Variants in NBEAL1 observed in about 807,000 individuals in gnomAD.
NBEAL1 encodes the protein neurobeachin like 1, also known as neurobeachin-like protein 1.
Under a neutral mutation model 351.3 loss-of-function variants are expected in NBEAL1, and 273 were observed. The observed-to-expected ratio is 0.78, with a 90% CI of 0.70 to 0.86. The LOEUF is 0.86. Ranked by LOEUF, NBEAL1 falls within the 40% of genes least tolerant of loss-of-function variation. NBEAL1 has a pLI of 0.00. For missense variants in NBEAL1, 2,961 were observed against 3,201.3 expected (o/e 0.92, Z 1.81); for synonymous variants, 1,050 against 1,086.4 (o/e 0.97, Z 0.66).
At chr2:203,115,203 C>T (rs1266066186) in intron 17 of NBEAL1, among the ~76,000 whole-genome samples, 1 of 151,372 alleles carries the variant, frequency 6.6e-6, no homozygotes, top group Non-Finnish European at 1.5e-5. Flanking sequence ...CCTCAGCTCA[C>T]TGCAGCCTCT....
intron 31 of NBEAL1, among the ~76,000 whole-genome samples, chr2:203,139,557 C>CTTTTTTTTTTTTTT (rs370861737): frequency 5.9e-5 from 4 of 67,666 alleles, no homozygotes; most frequent in African/African-American, 1.3e-4. Flanking sequence ...CCACCCCCAC[C>CTTTTTTTTTTTTTT]TTTTTTTTTT....
rs1261831669 is a variant in NBEAL1 at position 203,084,429 on chromosome 2, T to G, written c.992-34T>G. 7.4e-6 allele frequency: 9 copies of G among 1,219,718 alleles called. No homozygotes were observed. The East Asian group carries it at 2.6e-4, about 35-fold the overall frequency. The allele number at this position is 1,219,718 out of a possible 1,614,324, so 75.6% of individuals were successfully genotyped here. On this transcript the variant is annotated intron_variant, in intron 9 of 55. Transcript: ENST00000683969. ...TGTTTGTATGATCCCAAATTTTCAT[T>G]TTTACATGGATGATTTTCTTTTTAT...
At chr2:203,188,431 A>C in intron 44 of NBEAL1, 41 bp from the exon 45 acceptor site, 32 of 1,032,814 alleles carry the variant, frequency 3.1e-5, no homozygotes, top group Non-Finnish European at 3.7e-5. Flanking sequence ...TGTAGTTGGA[A>C]GATATCTCTA....
At chr2:203,026,359 G>A (rs995258906) in intron 2 of NBEAL1, among the ~76,000 whole-genome samples, 1 of 151,980 alleles carries the variant, frequency 6.6e-6, no homozygotes, top group Non-Finnish European at 1.5e-5. Flanking sequence ...CAATTACTAA[G>A]AATAGTTTTA....
intron 2 of NBEAL1, among the ~76,000 whole-genome samples, chr2:203,021,329 C>A (rs576269855): frequency 6.6e-6 from 1 of 151,114 alleles, no homozygotes; most frequent in Non-Finnish European, 1.5e-5. Flanking sequence ...TGTGGTGGCT[C>A]ATGCCTGTAA....
At chr2:203,212,283 T>C (rs1559070892) in intron 54 of NBEAL1, among the ~76,000 whole-genome samples, 1 of 152,076 alleles carries the variant, frequency 6.6e-6, no homozygotes. Flanking sequence ...CTGTGATGCT[T>C]ACTCATAATA....
chr2:203,213,687 G>T, intron 55 of NBEAL1, 34 bp downstream of exon 55: 1 of 1,612,246 alleles, frequency 6.2e-7, no homozygotes, highest in South Asian at 1.1e-5. Context: ...CATTTCTCAT[G>T]CTGTTGGGGA....
Position 203,215,084 on chromosome 2 carries a change from G to A in NBEAL1, c.8070+1431G>A, listed in dbSNP as rs185351716. Among the ~76,000 whole-genome samples the A allele has an allele frequency of 1.9e-4, 29 of 152,138 alleles. No homozygotes were observed. The East Asian group carries it at 5.6e-3, about 30-fold the overall frequency. On this transcript the variant is annotated intron_variant, in intron 55 of 55. Transcript: ENST00000683969. ...TGGAAAAGCAACCATTAGGCCTGGTGCGGTGGCTCACACCTGTAATCCCAG... is the reference window on the plus strand; with the variant it reads ...TGGAAAAGCAACCATTAGGCCTGGTACGGTGGCTCACACCTGTAATCCCAG...
intron 51 of NBEAL1, among the ~76,000 whole-genome samples, chr2:203,207,040 T>G (rs565064008): frequency 6.7e-6 from 1 of 150,036 alleles, no homozygotes; most frequent in East Asian, 2.0e-4. Flanking sequence ...CCGCCCATCA[T>G]CTGAGATGTG....
chr2:203,028,944 A>C (rs1230355253), intron 2 of NBEAL1, among the ~76,000 whole-genome samples: 1 of 152,132 alleles, frequency 6.6e-6, no homozygotes, highest in Non-Finnish European at 1.5e-5. Context: ...ATCCTGGACC[A>C]CAATGCGCCC....
rs1466466563 is a variant in NBEAL1 at position 203,024,183 on chromosome 2, A to G, written c.51+7748A>G. ...TCTAGTCCAGCCTGGGTGACAGAGTAAGACTCTTTCTCACACAAAAAAAAA... is the reference window on the plus strand; with the variant it reads ...TCTAGTCCAGCCTGGGTGACAGAGTGAGACTCTTTCTCACACAAAAAAAAA... On this transcript the variant is annotated intron_variant, in intron 2 of 55. Transcript: ENST00000683969. 2.6e-5 allele frequency among the ~76,000 whole-genome samples: 4 copies of G among 151,138 alleles called. No homozygotes were observed. The East Asian group carries it at 5.8e-4, about 22-fold the overall frequency.
intron 2 of NBEAL1, among the ~76,000 whole-genome samples, chr2:203,021,274 G>A (rs1326986565): frequency 2.0e-5 from 3 of 151,034 alleles, no homozygotes; most frequent in South Asian, 2.2e-4. Flanking sequence ...GAGCCACTGC[G>A]CCCAGCCCAG....
rs577894084 is a variant in NBEAL1 at position 203,051,417 on chromosome 2, G to A, written c.305+1442G>A. ...AAATTAGCCAGGCATGGTGGCGGGT[G>A]CCTGAAATCCCAGCTACTCAGGAGG... On this transcript the variant is annotated intron_variant, in intron 4 of 55. Transcript: ENST00000683969. Among the ~76,000 whole-genome samples, 24 of 151,938 alleles carry A rather than the reference G, an allele frequency of 1.6e-4. No homozygotes were observed. In the South Asian group the frequency reaches 2.1e-3, roughly 13 times the overall value.
chr2:203,196,343 T>C (rs767468601), intron 47 of NBEAL1, among the ~76,000 whole-genome samples: 1 of 152,182 alleles, frequency 6.6e-6, no homozygotes, highest in Non-Finnish European at 1.5e-5. Flanking sequence ...TTTCCTTGGG[T>C]ACCAATAACT....
chr2:203,087,095 T>C (rs1030696735), intron 10 of NBEAL1, among the ~76,000 whole-genome samples: 2 of 143,848 alleles, frequency 1.4e-5, no homozygotes, highest in Non-Finnish European at 3.1e-5. Context: ...TCACTCTTTT[T>C]TTTTTTTTTT....
Position 203,040,241 on chromosome 2 carries a change from A to G in NBEAL1, c.52-1524A>G. ...GCAAAGAAGGAGCAGAGGAAAGGAA[A>G]AAGGCTCAGGTTTAAGCGACTGGAA... is the stretch of plus-strand genomic sequence containing the variant. On this transcript the variant is annotated intron_variant, in intron 2 of 55. Coordinates refer to ENST00000683969, the MANE Select transcript of NBEAL1 (RefSeq NM_001378026.1). The G allele has an allele frequency of 3.0e-6, 3 of 1,002,390 alleles. No individual in the cohort carries two copies. The Admixed American group carries it at 5.3e-5, about 18-fold the overall frequency. 62.1% of individuals were successfully genotyped at this position (1,002,390 alleles called of 1,614,324 possible). A position where few individuals can be genotyped will look rare whatever the true frequency, so the allele number is the denominator to read the frequency against.
chr2:203,031,870 A>G (rs987627485), intron 2 of NBEAL1, among the ~76,000 whole-genome samples: 2 of 152,088 alleles, frequency 1.3e-5, no homozygotes, highest in African/African-American at 4.8e-5. Context: ...CTGGTATTCT[A>G]CCTCCTGGTA....
chr2:203,050,077 G>T, intron 4 of NBEAL1, 102 bp downstream of exon 4: 1 of 1,053,216 alleles, frequency 9.5e-7, no homozygotes, highest in Non-Finnish European at 1.4e-6. Flanking sequence ...TGGGCCTATT[G>T]GTGGGTAGGG....
At chr2:203,050,958 C>T (rs2061315050) in intron 4 of NBEAL1, among the ~76,000 whole-genome samples, 1 of 152,184 alleles carries the variant, frequency 6.6e-6, no homozygotes, top group Non-Finnish European at 1.5e-5. Context: ...TCGGAAGCTA[C>T]ATTCTATAGC....
Sources: gnomAD v4.1 joint callset for allele counts (sites outside exome capture counted in the v4.1 genomes callset) on GRCh38, gnomAD v4.1.1 for gene constraint, MANE v1.5 for transcripts, NCBI Gene and HGNC (gene_info 2026-07-23, HGNC 2026-07-21) for gene names.